The following ANXA7 variants were observed in gnomAD, a reference collection of about 807,000 sequenced individuals.
The protein encoded by ANXA7 is annexin VII.
In ANXA7, 55 loss-of-function variants were observed where a neutral mutation model predicts 64.9. The ratio of observed to expected loss-of-function variants is 0.85; its 90% CI spans 0.68 to 1.06. ANXA7 has a LOEUF of 1.06. Among genes scored for constraint, ANXA7 ranks in the 50% least tolerant of loss-of-function variants. The pLI is 0.00. For synonymous variants in ANXA7, 200 were observed against 192.4 expected (o/e 1.04, Z -0.33); for missense variants, 548 against 582.1 (o/e 0.94, Z 0.60).
intron 7 of ANXA7, among the ~76,000 whole-genome samples, chr10:73,385,198 T>A (rs1420550739): frequency 4.6e-5 from 7 of 152,210 alleles, no homozygotes; most frequent in Non-Finnish European, 7.3e-5. Context: ...TCTTGGATTA[T>A]TACACTGAAT....
At chr10:73,387,613 A>C in intron 7 of ANXA7, 76 bp downstream of exon 7, 3 of 1,155,642 alleles carry the variant, frequency 2.6e-6, no homozygotes, top group Non-Finnish European at 3.9e-6. Context: ...ACTAATCAAA[A>C]TATAGTATCC....
At chr10:73,382,606 A>G (rs1434314077) in intron 9 of ANXA7, among the ~76,000 whole-genome samples, 2 of 152,156 alleles carry the variant, frequency 1.3e-5, no homozygotes, top group African/African-American at 4.8e-5. Context: ...TTGGCCTCCA[A>G]AAGTGCTGGA....
rs146521289 is a variant in ANXA7 at position 73,376,187 on chromosome 10, C to T, written c.1309G>A (p.Ala437Thr). 53 of 1,596,698 alleles carry T rather than the reference C, an allele frequency of 3.3e-5. No individual in the cohort carries two copies. In the African/African-American group the frequency reaches 5.4e-4, roughly 16 times the overall value. ...IDLVQIKQMF[A>T]QMYQKTLGTM... ...CCCAGAGTCTTCTGATACATCTGAGCGAACATCTGTTTTATTTGTACAAGG... is the reference window on the plus strand; with the variant it reads ...CCCAGAGTCTTCTGATACATCTGAGTGAACATCTGTTTTATTTGTACAAGG... Residue 437 changes from alanine (A) to threonine (T), a missense_variant, in exon 13 of 13, where the codon GCT becomes ACT. Ala to Thr is a moderately conservative substitution (Grantham distance 58, BLOSUM62 0). Coordinates refer to ENST00000372921, the MANE Select transcript of ANXA7 (RefSeq NM_001156.5).
At chr10:73,398,455 C>A (rs1387950697) in intron 2 of ANXA7, 70 bp from the exon 3 acceptor site, 3 of 1,366,650 alleles carry the variant, frequency 2.2e-6, no homozygotes, top group East Asian at 2.4e-5. Flanking sequence ...AAATAAGGAA[C>A]AAACAGAGGT....
intron 1 of ANXA7, among the ~76,000 whole-genome samples, chr10:73,402,069 G>C (rs907890540): frequency 1.3e-5 from 2 of 152,040 alleles, no homozygotes; most frequent in African/African-American, 4.8e-5. Flanking sequence ...GTCCTTTCTA[G>C]GTGCCACAGA....
chr10:73,412,512 T>TTG (rs2055860903), intron 1 of ANXA7, among the ~76,000 whole-genome samples: 1 of 151,778 alleles, frequency 6.6e-6, no homozygotes, highest in Non-Finnish European at 1.5e-5. Context: ...TTTTTTTTTT[T>TTG]TGTGACAGAG....
At chr10:73,392,451 A>G (rs1277657570) in intron 5 of ANXA7, among the ~76,000 whole-genome samples, 1 of 152,242 alleles carries the variant, frequency 6.6e-6, no homozygotes, top group Non-Finnish European at 1.5e-5. Flanking sequence ...AAAAATCCTC[A>G]ATAAAATACT....
chr10:73,398,264 C>A lies in ANXA7; in HGVS notation c.176G>T (p.Gly59Val). ...VPSSGYPGAG[G>V]YPAPGGYPAP... ...TGGATAACCTCCAGGCGCAGGGTAG[C>A]CTCCAGCTCCTGGGTAGCCACTACT... is the stretch of plus-strand genomic sequence containing the variant. Residue 59 changes from glycine (G) to valine (V), a missense_variant, in exon 3 of 13, where the codon GGC becomes GTC. Transcript: ENST00000372921. 1 of 1,614,052 alleles carries A rather than the reference C, an allele frequency of 6.2e-7. No homozygotes were observed. The highest frequency in any genetic ancestry group is 8.5e-7 in the Non-Finnish European group (1 of 1,180,008).
At chr10:73,408,257 C>G (rs538914956) in intron 1 of ANXA7, 1 of 150,062 alleles carries the variant, frequency 6.7e-6, no homozygotes. Flanking sequence ...GAGGTCAAGG[C>G]GGCAGTGAGT....
intron 12 of ANXA7, among the ~76,000 whole-genome samples, chr10:73,378,615 A>T (rs1422990457): frequency 6.6e-6 from 1 of 152,200 alleles, no homozygotes. Flanking sequence ...AAGCAAAATG[A>T]AAATCGAAAG....
chr10:73,409,983 C>G (rs1360995951), intron 1 of ANXA7, among the ~76,000 whole-genome samples: 1 of 152,108 alleles, frequency 6.6e-6, no homozygotes, highest in Non-Finnish European at 1.5e-5. Flanking sequence ...AACTGGATCC[C>G]TAACTATCAT....
At chr10:73,396,308 G>A (rs1432715776) in intron 5 of ANXA7, among the ~76,000 whole-genome samples, 1 of 152,180 alleles carries the variant, frequency 6.6e-6, no homozygotes, top group Non-Finnish European at 1.5e-5. Flanking sequence ...CATTACCTAT[G>A]AGAATAGACC....
intron 1 of ANXA7, among the ~76,000 whole-genome samples, chr10:73,412,271 G>A (rs546564619): frequency 1.2e-4 from 18 of 151,720 alleles, no homozygotes; most frequent in African/African-American, 3.6e-4. Flanking sequence ...TCCTGACCTC[G>A]TGATCCTCCC....
intron 9 of ANXA7, among the ~76,000 whole-genome samples, chr10:73,382,008 A>G (rs562814345): frequency 2.8e-4 from 42 of 151,964 alleles, no homozygotes; most frequent in Non-Finnish European, 2.9e-4. Flanking sequence ...CCTCCCAGGT[A>G]GCTGGGATTA....
At chr10:73,404,449 C>T (rs1222323462) in intron 1 of ANXA7, among the ~76,000 whole-genome samples, 1 of 152,104 alleles carries the variant, frequency 6.6e-6, no homozygotes, top group African/African-American at 2.4e-5. Flanking sequence ...TGATTTTCAT[C>T]AAGTATTCTG....
intron 11 of ANXA7, 63 bp from the exon 12 acceptor site, chr10:73,379,086 T>C: frequency 8.9e-7 from 1 of 1,128,356 alleles, no homozygotes; most frequent in Non-Finnish European, 1.3e-6. Flanking sequence ...CCCCTCCAGC[T>C]TCATTTATCA....
At chr10:73,407,411 C>T (rs549558322) in intron 1 of ANXA7, among the ~76,000 whole-genome samples, 27 of 152,168 alleles carry the variant, frequency 1.8e-4, no homozygotes, top group African/African-American at 6.0e-4. Context: ...CCCTAGGGAT[C>T]GTGTTAAAAT....
Position 73,379,784 on chromosome 10 carries a change from C to T in ANXA7, c.1165+95G>A, listed in dbSNP as rs906442328. On this transcript the variant is annotated intron_variant, in intron 11 of 12. Transcript: ENST00000372921. ...GATCAGCTACTGCCTAAGCAGATTC[C>T]ACGTGGACTATATTATCAACATTTA... The T allele has an allele frequency of 3.3e-6, 4 of 1,228,130 alleles. No homozygotes were observed. The African/African-American group carries it at 6.0e-5, about 18-fold the overall frequency. 76.1% of individuals were successfully genotyped at this position (1,228,130 alleles called of 1,614,324 possible).
At chr10:73,382,316 A>ATCTTC (rs2055288996) in intron 9 of ANXA7, among the ~76,000 whole-genome samples, 1 of 142,226 alleles carries the variant, frequency 7.0e-6, no homozygotes, top group Non-Finnish European at 1.5e-5. Flanking sequence ...ATACACCTTC[A>ATCTTC]TCATCTAAGT....
Sources: gnomAD v4.1 joint callset for allele counts (sites outside exome capture counted in the v4.1 genomes callset) on GRCh38, gnomAD v4.1.1 for gene constraint, MANE v1.5 for transcripts, NCBI Gene and HGNC (gene_info 2026-07-23, HGNC 2026-07-21) for gene names.